Variants in LIMD1 observed in about 807,000 individuals in gnomAD.
The protein encoded by LIMD1 is LIM domain-containing protein 1.
LIMD1 carries 23 observed loss-of-function variants against 58.4 expected under a neutral mutation model. That is an observed-to-expected ratio of 0.39 (90% CI 0.28 to 0.56). The LOEUF (loss-of-function observed/expected upper bound fraction) is 0.56, where lower values mean the gene tolerates loss of function less well. LIMD1 is among the 20% of genes least tolerant of loss of function. The pLI, the probability that LIMD1 is intolerant of heterozygous loss-of-function variation, is 0.57. For missense variants in LIMD1, 838 were observed against 855.5 expected, an observed-to-expected ratio of 0.98 and a Z score of 0.25; for synonymous variants, 334 against 345.5, an observed-to-expected ratio of 0.97 and a Z score of 0.37.
chr3:45,597,107 G>T (rs918057264), intron 1 of LIMD1, among the ~76,000 whole-genome samples: 5 of 151,806 alleles, frequency 3.3e-5, no homozygotes, highest in African/African-American at 4.8e-5. Context: ...TGATCCGCCC[G>T]CCTTGGCCTC....
At chr3:45,673,370 C>A in intron 5 of LIMD1, 84 bp from the exon 6 acceptor site, 1 of 1,050,342 alleles carries the variant, frequency 9.5e-7, no homozygotes. Context: ...TGGAGGAAGG[C>A]TCCATGTGGA....
intron 3 of LIMD1, among the ~76,000 whole-genome samples, chr3:45,667,573 G>C (rs1697535871): frequency 6.7e-6 from 1 of 149,760 alleles, no homozygotes; most frequent in African/African-American, 2.5e-5. Context: ...TTTTTGAAGA[G>C]AGCACCTCAT....
At chr3:45,656,340 T>C (rs1166639831) in intron 2 of LIMD1, among the ~76,000 whole-genome samples, 1 of 152,108 alleles carries the variant, frequency 6.6e-6, no homozygotes, top group African/African-American at 2.4e-5. Flanking sequence ...CAGTATAGTG[T>C]GGTGGAAAGA....
chr3:45,637,039 GAATGTT>G (rs1701796445), intron 2 of LIMD1, among the ~76,000 whole-genome samples: 1 of 152,166 alleles, frequency 6.6e-6, no homozygotes, highest in Non-Finnish European at 1.5e-5. Flanking sequence ...AACTAAAAGG[GAATGTT>G]ACAGCAGAGT....
In LIMD1 at chr3:45,682,219, T is replaced by C. The variant is rs1338352753; in HGVS notation, c.*5160T>C. 2 of 152,310 alleles carry C rather than the reference T, an allele frequency of 1.3e-5. No homozygotes were observed. Among genetic ancestry groups the C allele is most frequent in the Non-Finnish European group, 2.9e-5 (2 of 68,020 alleles). 9.4% of individuals were successfully genotyped at this position (152,310 alleles called of 1,614,324 possible). A position where few individuals can be genotyped will look rare whatever the true frequency, so the allele number is the denominator to read the frequency against. On this transcript the variant is annotated 3_prime_UTR_variant, in exon 8 of 8. Transcript: ENST00000273317. ...AATGGCTAGTCTGATTTTGCCAACA[T>C]GGGCTGCTATTTGCTTAAGACCTTG...
intron 2 of LIMD1, among the ~76,000 whole-genome samples, chr3:45,639,327 A>C (rs1219209778): frequency 6.6e-6 from 1 of 152,254 alleles, no homozygotes; most frequent in East Asian, 1.9e-4. Context: ...CACCTCAAGC[A>C]GTTACCATTT....
intron 2 of LIMD1, among the ~76,000 whole-genome samples, chr3:45,658,540 T>G (rs1366835532): frequency 1.1e-5 from 1 of 91,172 alleles, no homozygotes; most frequent in Admixed American, 9.6e-5. Context: ...AGATTCTTTT[T>G]TTTTTTTTTT....
chr3:45,594,800 C>CACACACACACACACACGGCACCTGG lies in LIMD1; in HGVS notation c.-64_-63insGGCACCTGGACACACACACACACAC, dbSNP rs1559510593. ...CTCAACACACACACACACACACACA[C>CACACACACACACACACGGCACCTGG]ACACACACACACACACACACACACA... On this transcript the variant is annotated 5_prime_UTR_variant, in exon 1 of 8. Coordinates refer to ENST00000273317, the MANE Select transcript of LIMD1 (RefSeq NM_014240.3). The CACACACACACACACACGGCACCTGG allele has an allele frequency of 1.1e-4, 17 of 154,306 alleles. No homozygotes were observed. The highest frequency in any genetic ancestry group is 6.3e-4 in the African/African-American group (16 of 25,224). The allele number at this position is 154,306 out of a possible 1,614,324, so 9.6% of individuals were successfully genotyped here. A position where few individuals can be genotyped will look rare whatever the true frequency, so the allele number is the denominator to read the frequency against.
rs960169213 is a variant in LIMD1, at chr3:45,686,116, G to A, written c.*9057G>A. 6.6e-6 allele frequency: 1 copy of A among 152,162 alleles called. No individual in the cohort carries two copies. Among genetic ancestry groups the A allele is most frequent in the Non-Finnish European group, 1.5e-5 (1 of 68,032 alleles). 9.4% of individuals were successfully genotyped at this position (152,162 alleles called of 1,614,324 possible). Reference sequence around the variant, plus strand: ...GCCCCGGGTCTATCACCTTGTAATAGTCTTAAAGCCCCTGCACCTGGAACT... The same window carrying A: ...GCCCCGGGTCTATCACCTTGTAATAATCTTAAAGCCCCTGCACCTGGAACT... On this transcript the variant is annotated 3_prime_UTR_variant, in exon 8 of 8. Coordinates refer to ENST00000273317, the MANE Select transcript of LIMD1 (RefSeq NM_014240.3).
chr3:45,619,170 TTATC>T (rs1367413366), intron 1 of LIMD1, among the ~76,000 whole-genome samples: 1 of 152,158 alleles, frequency 6.6e-6, no homozygotes, highest in Non-Finnish European at 1.5e-5. Flanking sequence ...TCTTCTTTAT[TTATC>T]TATTATTTTT....
At chr3:45,623,457 C>T (rs1701644640) in intron 1 of LIMD1, among the ~76,000 whole-genome samples, 3 of 152,030 alleles carry the variant, frequency 2.0e-5, no homozygotes, top group Admixed American at 6.5e-5. Context: ...TGTCCTTGGG[C>T]AAAAGTATAC....
At chr3:45,628,646 T>C (rs1275406033) in intron 1 of LIMD1, among the ~76,000 whole-genome samples, 1 of 152,204 alleles carries the variant, frequency 6.6e-6, no homozygotes, top group Non-Finnish European at 1.5e-5. Flanking sequence ...GACCCAGCCA[T>C]TTCACTCCTA....
At chr3:45,635,760 A>AAAAG (rs1701780453) in intron 1 of LIMD1, 32 of 236,880 alleles carry the variant, frequency 1.4e-4, no homozygotes, top group East Asian at 3.9e-4. Flanking sequence ...AAAAAAAAAA[A>AAAAG]GGGAGGAAAA....
Position 45,595,845 on chromosome 3 carries a change from T to G in LIMD1, c.966T>G (p.Val322=), listed in dbSNP as rs1319022193. ...CAAACTCGGGGCTGGGGGGTGAGGT[T>G]TCAGGTGTGATGTCCAAACCCAATG... is the stretch of plus-strand genomic sequence containing the variant. ...PRSNSGLGGE[V]SGVMSKPNVD... Residue 322 remains valine, a synonymous_variant, in exon 1 of 8, where the codon GTT becomes GTG. Coordinates refer to ENST00000273317, the MANE Select transcript of LIMD1 (RefSeq NM_014240.3). 3 of 1,614,038 alleles carry G rather than the reference T, an allele frequency of 1.9e-6. No individual in the cohort carries two copies. Among genetic ancestry groups the G allele is most frequent in the Non-Finnish European group, 2.5e-6 (3 of 1,180,030 alleles).
At chr3:45,672,102 C>T (rs781714610) in intron 4 of LIMD1, among the ~76,000 whole-genome samples, 1 of 152,212 alleles carries the variant, frequency 6.6e-6, no homozygotes, top group Non-Finnish European at 1.5e-5. Flanking sequence ...ACTTATTACA[C>T]TTGGATTTGA....
At chr3:45,628,645 A>G (rs1701694200) in intron 1 of LIMD1, among the ~76,000 whole-genome samples, 1 of 152,236 alleles carries the variant, frequency 6.6e-6, no homozygotes, top group African/African-American at 2.4e-5. Flanking sequence ...AGACCCAGCC[A>G]TTTCACTCCT....
In LIMD1 at chr3:45,626,060, G is replaced by C. The variant is rs540203258; in HGVS notation, c.1409-10090G>C. ...AGAAATGTTTGAGTAATCCTTGGTGGATCATTGCCTCCTGCTGCACATCTT... is the reference window on the plus strand; with the variant it reads ...AGAAATGTTTGAGTAATCCTTGGTGCATCATTGCCTCCTGCTGCACATCTT... On this transcript the variant is annotated intron_variant, in intron 1 of 7. Transcript: ENST00000273317. 1.2e-4 allele frequency among the ~76,000 whole-genome samples: 18 copies of C among 152,310 alleles called. No individual in the cohort carries two copies. The South Asian group carries it at 3.7e-3, about 32-fold the overall frequency.
intron 1 of LIMD1, among the ~76,000 whole-genome samples, chr3:45,597,586 G>A (rs1458723067): frequency 2.6e-5 from 4 of 152,204 alleles, no homozygotes; most frequent in African/African-American, 7.2e-5. Flanking sequence ...GAGCTAACTA[G>A]AAAGACAGCC....
chr3:45,674,514 G>C, intron 7 of LIMD1, 103 bp downstream of exon 7: 4 of 859,948 alleles, frequency 4.7e-6, no homozygotes, highest in Non-Finnish European at 5.7e-6. Flanking sequence ...ATTCTGGCAA[G>C]GGTCAGCCCT....
Sources: gnomAD v4.1 joint callset for allele counts (sites outside exome capture counted in the v4.1 genomes callset) on GRCh38, gnomAD v4.1.1 for gene constraint, MANE v1.5 for transcripts, NCBI Gene and HGNC (gene_info 2026-07-23, HGNC 2026-07-21) for gene names.